EPHA6: variants seen among roughly 807,000 people sequenced by gnomAD.
EPHA6 encodes the protein ephrin type-A receptor 6.
EPHA6 carries 50 observed loss-of-function variants against 112.0 expected under a neutral mutation model. The observed-to-expected ratio is 0.45, with a 90% CI of 0.36 to 0.56. The LOEUF (loss-of-function observed/expected upper bound fraction) is 0.56, where lower values mean the gene tolerates loss of function less well. Ranked by LOEUF, EPHA6 falls within the 20% of genes least tolerant of loss-of-function variation. The pLI is 0.00. For missense variants in EPHA6, 1,280 were observed against 1,417.4 expected, an observed-to-expected ratio of 0.90 and a Z score of 1.56; for synonymous variants, 529 against 490.7, an observed-to-expected ratio of 1.08 and a Z score of -1.03.
At position 96,940,015 on chromosome 3, in the gene EPHA6, A is replaced by G. The variant is rs191259315; in HGVS notation, c.451-47315A>G. ...TTTTACATTTGCTGAGGAGTGCTTT[A>G]CTTCCAACTATGTGGTTAATTTTGG... On this transcript the variant is annotated intron_variant, in intron 2 of 17. Transcript: ENST00000389672. Among the ~76,000 whole-genome samples the G allele has an allele frequency of 8.3e-4, 126 of 152,276 alleles. 1 individual carries two copies. The highest frequency in any genetic ancestry group is 2.9e-3 in the African/African-American group (120 of 41,556).
intron 3 of EPHA6, among the ~76,000 whole-genome samples, chr3:97,050,809 G>A (rs948709007): frequency 1.3e-5 from 2 of 152,062 alleles, no homozygotes; most frequent in Non-Finnish European, 2.9e-5. Flanking sequence ...CTTTTGTTGA[G>A]TACTACCTAG....
intron 2 of EPHA6, among the ~76,000 whole-genome samples, chr3:96,975,372 A>G (rs1286156924): frequency 2.0e-5 from 3 of 152,150 alleles, no homozygotes; most frequent in Non-Finnish European, 4.4e-5. Flanking sequence ...AAGCTTTTTA[A>G]GAGGTCTTAA....
At chr3:97,331,314 C>T (rs1412657613) in intron 5 of EPHA6, among the ~76,000 whole-genome samples, 1 of 152,034 alleles carries the variant, frequency 6.6e-6, no homozygotes, top group Non-Finnish European at 1.5e-5. Flanking sequence ...CTGAAATTGA[C>T]ACCCTAACAT....
intron 1 of EPHA6, among the ~76,000 whole-genome samples, chr3:96,859,463 C>G (rs2035887388): frequency 1.3e-5 from 2 of 151,018 alleles, no homozygotes; most frequent in South Asian, 2.1e-4. Context: ...CTTGCTGCAG[C>G]CTAGAACTCC....
At chr3:96,988,066 C>T (rs1205938525) in intron 3 of EPHA6, 73 bp downstream of exon 3, 1 of 1,215,520 alleles carries the variant, frequency 8.2e-7, no homozygotes, top group Non-Finnish European at 1.1e-6. Flanking sequence ...TTTAAATTAA[C>T]AAATAGTAAT....
At position 96,987,877 on chromosome 3, in the gene EPHA6, G is replaced by C; in HGVS notation, c.998G>C (p.Ser333Thr). The C allele has an allele frequency of 5.0e-6, 8 of 1,613,888 alleles. No individual in the cohort carries two copies. The highest frequency in any genetic ancestry group is 6.8e-6 in the Non-Finnish European group (8 of 1,179,846). The change falls in exon 3 of 18, where the codon AGT (serine) becomes ACT (threonine). Residue 333 changes from serine (S) to threonine (T), a missense_variant. Physicochemically the swap from Ser to Thr is moderately conservative, Grantham distance 58. Coordinates refer to ENST00000389672, the MANE Select transcript of EPHA6 (RefSeq NM_001080448.3). ...LVEVRGSCVK[S>T]AEERDTPKLY... ...GAAGTACGGGGTTCTTGTGTGAAGA[G>C]TGCTGAAGAGCGTGACACTCCTAAA...
At chr3:97,172,610 A>G (rs1261714599) in intron 3 of EPHA6, among the ~76,000 whole-genome samples, 1 of 151,790 alleles carries the variant, frequency 6.6e-6, no homozygotes, top group Admixed American at 6.6e-5. Flanking sequence ...TTTGGGGGGG[A>G]CTGAATTAGA....
At chr3:97,639,974 A>C (rs1158509313) in intron 14 of EPHA6, among the ~76,000 whole-genome samples, 3 of 152,148 alleles carry the variant, frequency 2.0e-5, no homozygotes, top group African/African-American at 7.2e-5. Flanking sequence ...TAAGTCTCAG[A>C]ACTACTTACT....
intron 2 of EPHA6, among the ~76,000 whole-genome samples, chr3:96,891,268 A>C (rs1003539903): frequency 6.6e-6 from 1 of 152,212 alleles, no homozygotes; most frequent in Admixed American, 6.5e-5. Flanking sequence ...CTGAAAAAAA[A>C]TCTGTTTTTA....
At chr3:96,876,106 C>G (rs1480884992) in intron 2 of EPHA6, among the ~76,000 whole-genome samples, 2 of 149,884 alleles carry the variant, frequency 1.3e-5, no homozygotes, top group East Asian at 3.9e-4. Context: ...TTAGGAAACC[C>G]TAACATATTA....
chr3:97,232,576 GC>G (rs1246597611), intron 4 of EPHA6, among the ~76,000 whole-genome samples: 1 of 152,184 alleles, frequency 6.6e-6, no homozygotes, highest in Admixed American at 6.5e-5. Context: ...CAGGCCTGCA[GC>G]GACTTGATTC....
At chr3:97,545,714 G>A (rs2092935383) in intron 11 of EPHA6, among the ~76,000 whole-genome samples, 1 of 152,140 alleles carries the variant, frequency 6.6e-6, no homozygotes, top group South Asian at 2.1e-4. Flanking sequence ...CTCTTTGTAG[G>A]TCACTAGGGA....
chr3:97,539,741 C>T (rs892936131), intron 11 of EPHA6, among the ~76,000 whole-genome samples: 1 of 152,162 alleles, frequency 6.6e-6, no homozygotes, highest in Non-Finnish European at 1.5e-5. Flanking sequence ...ATTGTGGTAT[C>T]TATAACACTC....
At chr3:97,332,635 G>C (rs150089742) in intron 5 of EPHA6, among the ~76,000 whole-genome samples, 49 of 152,114 alleles carry the variant, frequency 3.2e-4, no homozygotes, top group African/African-American at 1.1e-3. Context: ...AATTCATTTT[G>C]AATTGATATT....
intron 1 of EPHA6, among the ~76,000 whole-genome samples, chr3:96,841,227 TACTCTTTTAAGTTTCTGA>T (rs1294295522): frequency 6.6e-6 from 1 of 152,142 alleles, no homozygotes; most frequent in Non-Finnish European, 1.5e-5. Context: ...CAAATGGTTG[TACTCTTTTAAGTTTCTGA>T]TTAACCTTTC....
intron 5 of EPHA6, among the ~76,000 whole-genome samples, chr3:97,337,721 G>A (rs1007516534): frequency 1.3e-5 from 2 of 152,084 alleles, no homozygotes; most frequent in Admixed American, 6.6e-5. Context: ...CATCAGCCCC[G>A]AAAGCTGTAT....
intron 14 of EPHA6, among the ~76,000 whole-genome samples, chr3:97,668,827 C>T (rs1035774805): frequency 9.6e-5 from 13 of 135,956 alleles, no homozygotes; most frequent in Admixed American, 2.5e-4. Flanking sequence ...GCAGGAGAGT[C>T]GCTTGAACCT....
chr3:97,002,829 A>G (rs545288703), intron 3 of EPHA6, among the ~76,000 whole-genome samples: 1 of 152,272 alleles, frequency 6.6e-6, no homozygotes, highest in South Asian at 2.1e-4. Context: ...ACAGTAAACT[A>G]GAAGAGTATT....
intron 16 of EPHA6, among the ~76,000 whole-genome samples, chr3:97,738,072 A>G (rs2035350978): frequency 6.6e-6 from 1 of 152,112 alleles, no homozygotes; most frequent in African/African-American, 2.4e-5. Flanking sequence ...CCTTTGGTAC[A>G]GCATTTTCAA....
Sources: gnomAD v4.1 joint callset for allele counts (sites outside exome capture counted in the v4.1 genomes callset) on GRCh38, gnomAD v4.1.1 for gene constraint, MANE v1.5 for transcripts, NCBI Gene and HGNC (gene_info 2026-07-23, HGNC 2026-07-21) for gene names.